PALM2AKAP2: variants seen among roughly 807,000 people sequenced by gnomAD.
PALM2AKAP2 encodes the protein PALM2-AKAP2 fusion protein.
Under a neutral mutation model 71.5 loss-of-function variants are expected in PALM2AKAP2, and 37 were observed. The observed-to-expected ratio is 0.52, with a 90% CI of 0.40 to 0.68. The LOEUF (loss-of-function observed/expected upper bound fraction) is 0.68, where lower values mean the gene tolerates loss of function less well. Among genes scored for constraint, PALM2AKAP2 ranks in the 30% least tolerant of loss-of-function variants. PALM2AKAP2 has a pLI of 0.00. For synonymous variants in PALM2AKAP2, 468 were observed against 478.8 expected (o/e 0.98, Z 0.29); for missense variants, 1,224 against 1,191.8 (o/e 1.03, Z -0.40).
chr9:109,906,432 C>T (rs1305710378), intron 3 of PALM2AKAP2, among the ~76,000 whole-genome samples: 1 of 152,216 alleles, frequency 6.6e-6, no homozygotes, highest in South Asian at 2.1e-4. Context: ...CTCCTGACTT[C>T]AAGCGATCCA....
chr9:109,742,705 C>T (rs113107359), intron 1 of PALM2AKAP2, among the ~76,000 whole-genome samples: 377 of 152,290 alleles, frequency 2.5e-3, no homozygotes, highest in Non-Finnish European at 4.7e-3. Flanking sequence ...ATGCTGGCCC[C>T]TTACATGGTT....
At chr9:109,804,936 G>T (rs1373166305) in intron 1 of PALM2AKAP2, among the ~76,000 whole-genome samples, 1 of 152,050 alleles carries the variant, frequency 6.6e-6, no homozygotes, top group African/African-American at 2.4e-5. Flanking sequence ...TTTTGGCAAA[G>T]ATTTTATATA....
chr9:109,848,886 CAAA>C (rs145080904), intron 1 of PALM2AKAP2, among the ~76,000 whole-genome samples: 2 of 117,130 alleles, frequency 1.7e-5, no homozygotes, highest in Non-Finnish European at 1.8e-5. Context: ...GCCACTGTCT[CAAA>C]AAAAAAAAAA....
intron 1 of PALM2AKAP2, among the ~76,000 whole-genome samples, chr9:109,832,808 T>G (rs1303331622): frequency 6.6e-6 from 1 of 152,162 alleles, no homozygotes; most frequent in Non-Finnish European, 1.5e-5. Flanking sequence ...TGGCAAGAGT[T>G]TGTTTAAAAT....
chr9:109,816,294 T>C (rs1827850220), intron 1 of PALM2AKAP2, among the ~76,000 whole-genome samples: 2 of 152,170 alleles, frequency 1.3e-5, no homozygotes. Context: ...TTGTTGAGGA[T>C]ATAGGAAGAC....
chr9:110,099,769 G>A (rs932687404), intron 1 of PALM2AKAP2, among the ~76,000 whole-genome samples: 9 of 152,024 alleles, frequency 5.9e-5, no homozygotes, highest in African/African-American at 2.2e-4. Context: ...GGACATGGCA[G>A]GTAATAATCA....
upstream of PALM2AKAP2, among the ~76,000 whole-genome samples, chr9:110,043,887 T>A (rs1410218646): frequency 2.0e-5 from 3 of 151,794 alleles, no homozygotes; most frequent in Non-Finnish European, 4.4e-5. Context: ...CCCCGCTCAT[T>A]TTTTAATTTT....
chr9:109,703,022 T>C (rs1828087569), intron 1 of PALM2AKAP2, among the ~76,000 whole-genome samples: 1 of 152,152 alleles, frequency 6.6e-6, no homozygotes, highest in African/African-American at 2.4e-5. Flanking sequence ...TTTCACCAAG[T>C]TGGCCAGGTT....
chr9:109,677,341 C>T (rs1827661506), intron 1 of PALM2AKAP2, among the ~76,000 whole-genome samples: 1 of 152,056 alleles, frequency 6.6e-6, no homozygotes, highest in South Asian at 2.1e-4. Flanking sequence ...TCATAGAGGG[C>T]TTTAACGTAA....
At chr9:109,887,928 A>G (rs912341833) in intron 3 of PALM2AKAP2, among the ~76,000 whole-genome samples, 2 of 152,224 alleles carry the variant, frequency 1.3e-5, no homozygotes, top group East Asian at 1.9e-4. Context: ...TCCCTCCTCA[A>G]CCTCCACACA....
At chr9:109,977,715 C>T (rs1832195375) in intron 6 of PALM2AKAP2, among the ~76,000 whole-genome samples, 1 of 152,188 alleles carries the variant, frequency 6.6e-6, no homozygotes, top group Non-Finnish European at 1.5e-5. Flanking sequence ...CGCTGGTCTG[C>T]AAGCGTGACA....
rs1414483032 is a variant in PALM2AKAP2 at position 109,730,999 on chromosome 9, T to C, written c.6-49489T>C. ...CTATTCCTGAAGTGCTTTCCTTTGC[T>C]TTCCAACCGGGGACTGTCAAATGCT... is the stretch of plus-strand genomic sequence containing the variant. On this transcript the variant is annotated intron_variant, in intron 1 of 6. Coordinates refer to the PALM2AKAP2 transcript ENST00000374531. Among the ~76,000 whole-genome samples, 4 of 152,246 alleles carry C rather than the reference T, an allele frequency of 2.6e-5. No individual in the cohort carries two copies. In the East Asian group the frequency reaches 7.7e-4, roughly 29 times the overall value.
At chr9:109,780,468 GC>G (rs1280724984) in exon 1 of PALM2AKAP2, 3 of 1,613,104 alleles carry the variant, frequency 1.9e-6, no homozygotes, top group Non-Finnish European at 2.5e-6. Flanking sequence ...TCTTTCCCCT[GC>G]CTGTGTGCCC....
At chr9:110,137,175 A>T (rs967211146) in exon 2 of PALM2AKAP2, 4 of 1,613,942 alleles carry the variant, frequency 2.5e-6, no homozygotes, top group Non-Finnish European at 3.4e-6. Context: ...GACAAAGCAA[A>T]GGAGGACATT....
intron 6 of PALM2AKAP2, among the ~76,000 whole-genome samples, chr9:109,964,909 G>A (rs1831918463): frequency 6.6e-6 from 1 of 152,056 alleles, no homozygotes; most frequent in Admixed American, 6.5e-5. Context: ...ATGCTGGAAG[G>A]GAAGAAAATG....
intron 1 of PALM2AKAP2, among the ~76,000 whole-genome samples, chr9:109,752,934 G>A (rs760567200): frequency 6.6e-6 from 1 of 152,130 alleles, no homozygotes; most frequent in Non-Finnish European, 1.5e-5. Flanking sequence ...ATATTACAGA[G>A]GTTAAATGAT....
chr9:110,097,574 A>G (rs1834884306), intron 1 of PALM2AKAP2, among the ~76,000 whole-genome samples: 2 of 150,882 alleles, frequency 1.3e-5, no homozygotes. Context: ...GTGGCCGGGC[A>G]GAGACGCTCC....
chr9:110,037,278 G>A (rs1287658541), intron 7 of PALM2AKAP2, among the ~76,000 whole-genome samples: 2 of 151,858 alleles, frequency 1.3e-5, no homozygotes, highest in East Asian at 1.9e-4. Flanking sequence ...TCAGCTCACC[G>A]CAACCACAAC....
chr9:110,032,811 G>A (rs1456646317), intron 7 of PALM2AKAP2, among the ~76,000 whole-genome samples: 10 of 151,486 alleles, frequency 6.6e-5, no homozygotes, highest in Admixed American at 1.3e-4. Flanking sequence ...TGTGGTGTGC[G>A]CATGTCGTCT....
Sources: gnomAD v4.1 joint callset for allele counts (sites outside exome capture counted in the v4.1 genomes callset) on GRCh38, gnomAD v4.1.1 for gene constraint, MANE v1.5 for transcripts, NCBI Gene and HGNC (gene_info 2026-07-23, HGNC 2026-07-21) for gene names.